GABRG3: variants seen among roughly 807,000 people sequenced by gnomAD.
GABRG3 encodes gamma-aminobutyric acid receptor subunit gamma-3.
Under a neutral mutation model 48.8 loss-of-function variants are expected in GABRG3, and 25 were observed. The observed-to-expected ratio is 0.51, with a 90% CI of 0.37 to 0.72. The LOEUF (loss-of-function observed/expected upper bound fraction) is 0.72, where lower values mean the gene tolerates loss of function less well. Ranked by LOEUF, GABRG3 falls within the 30% of genes least tolerant of loss-of-function variation. GABRG3 has a pLI of 0.00. For missense variants in GABRG3, 394 were observed against 577.9 expected (o/e 0.68, Z 3.26); for synonymous variants, 227 against 217.6 (o/e 1.04, Z -0.38).
chr15:27,343,828 C>T (rs1035111896), intron 5 of GABRG3, among the ~76,000 whole-genome samples: 4 of 152,214 alleles, frequency 2.6e-5, no homozygotes, highest in Non-Finnish European at 5.9e-5. Context: ...TCTGGGAATA[C>T]AGCCAAACAA....
chr15:27,203,484 A>C (rs1566964135), intron 3 of GABRG3, among the ~76,000 whole-genome samples: 2 of 152,194 alleles, frequency 1.3e-5, no homozygotes, highest in South Asian at 4.1e-4. Context: ...GGCATTGTGA[A>C]TAGTGCTGTG....
At chr15:27,336,815 TG>T (rs1461722944) in intron 5 of GABRG3, among the ~76,000 whole-genome samples, 3 of 152,200 alleles carry the variant, frequency 2.0e-5, no homozygotes, top group Admixed American at 2.0e-4. Context: ...ATCCTTAAAA[TG>T]GATGACTACT....
intron 3 of GABRG3, among the ~76,000 whole-genome samples, chr15:27,095,342 C>G (rs1897252580): frequency 6.6e-6 from 1 of 152,196 alleles, no homozygotes; most frequent in Non-Finnish European, 1.5e-5. Context: ...TGCAGACACA[C>G]ACATGCTTCT....
intron 1 of GABRG3, among the ~76,000 whole-genome samples, chr15:26,972,975 A>C (rs1381719571): frequency 6.6e-6 from 1 of 152,130 alleles, no homozygotes; most frequent in Non-Finnish European, 1.5e-5. Flanking sequence ...CAATGGAAAC[A>C]TGCTTTCTGA....
intron 5 of GABRG3, among the ~76,000 whole-genome samples, chr15:27,418,303 G>T (rs370503469): frequency 1.3e-5 from 2 of 152,330 alleles, no homozygotes; most frequent in South Asian, 2.1e-4. Flanking sequence ...GCAATCTCCT[G>T]GGAATTAATT....
At position 27,535,545 on chromosome 15, in the gene GABRG3, A is replaced by G. The variant is rs1891528954; in HGVS notation, c.*2664A>G. On this transcript the variant is annotated 3_prime_UTR_variant, in exon 10 of 10. Transcript: ENST00000615808. ...TAGGAAGGAGAACCTTCATCTCAAG[A>G]AAGTCCAATGGATTTCACTAACTGA... 6.6e-6 allele frequency: 1 copy of G among 152,210 alleles called. No individual in the cohort carries two copies. Among genetic ancestry groups the G allele is most frequent in the Non-Finnish European group, 1.5e-5 (1 of 68,054 alleles). 9.4% of individuals were successfully genotyped at this position (152,210 alleles called of 1,614,324 possible).
At chr15:27,283,289 G>T (rs1331956478) in intron 3 of GABRG3, among the ~76,000 whole-genome samples, 1 of 152,182 alleles carries the variant, frequency 6.6e-6, no homozygotes, top group African/African-American at 2.4e-5. Context: ...TTTTGATGGA[G>T]TAGGATGTCT....
At chr15:27,253,129 C>T (rs911152496) in intron 3 of GABRG3, among the ~76,000 whole-genome samples, 4 of 152,188 alleles carry the variant, frequency 2.6e-5, no homozygotes, top group African/African-American at 7.2e-5. Flanking sequence ...ATGTAGTCAC[C>T]GGGCTGCTGG....
intron 5 of GABRG3, among the ~76,000 whole-genome samples, chr15:27,345,741 C>T (rs1383901953): frequency 1.3e-5 from 2 of 152,026 alleles, no homozygotes; most frequent in Admixed American, 6.6e-5. Flanking sequence ...TTGACAAATT[C>T]CCTTAGTTTT....
chr15:27,034,654 C>T (rs1003584486), intron 3 of GABRG3, among the ~76,000 whole-genome samples: 2 of 152,176 alleles, frequency 1.3e-5, no homozygotes, highest in African/African-American at 4.8e-5. Context: ...GCCTGAGATC[C>T]ATCGAGTCTT....
chr15:27,003,857 A>G (rs1258387395), intron 2 of GABRG3, among the ~76,000 whole-genome samples: 4 of 111,672 alleles, frequency 3.6e-5, no homozygotes, highest in Admixed American at 1.8e-4. Flanking sequence ...GGGGGGGCTG[A>G]CCCCCCCACC....
At chr15:27,165,461 CTTG>C (rs1186933943) in intron 3 of GABRG3, among the ~76,000 whole-genome samples, 2 of 152,302 alleles carry the variant, frequency 1.3e-5, no homozygotes, top group Non-Finnish European at 2.9e-5. Context: ...GGTTCTAGTT[CTTG>C]TCATGCTTTA....
intron 3 of GABRG3, among the ~76,000 whole-genome samples, chr15:27,117,517 C>G (rs192377725): frequency 2.0e-5 from 3 of 152,248 alleles, no homozygotes; most frequent in Admixed American, 2.0e-4. Context: ...CCATGAGGAG[C>G]ACTTGAATTG....
chr15:27,078,470 C>T (rs1896944220), intron 3 of GABRG3, among the ~76,000 whole-genome samples: 2 of 152,096 alleles, frequency 1.3e-5, no homozygotes, highest in East Asian at 1.9e-4. Flanking sequence ...GGAAAAATTT[C>T]TTTTTATGAA....
intron 5 of GABRG3, among the ~76,000 whole-genome samples, chr15:27,360,863 C>T (rs953396310): frequency 1.3e-4 from 20 of 152,358 alleles, no homozygotes; most frequent in Admixed American, 4.6e-4. Context: ...TGCTCTCTGA[C>T]GGCACTGTCT....
chr15:27,420,213 C>T (rs1888070371), intron 5 of GABRG3, among the ~76,000 whole-genome samples: 1 of 152,082 alleles, frequency 6.6e-6, no homozygotes, highest in South Asian at 2.1e-4. Flanking sequence ...ATTTCTCAAA[C>T]ACAATGAAAG....
intron 2 of GABRG3, among the ~76,000 whole-genome samples, chr15:26,984,405 G>A (rs981007466): frequency 1.8e-4 from 28 of 152,264 alleles, no homozygotes; most frequent in African/African-American, 6.5e-4. Flanking sequence ...CGTTCATGTT[G>A]CGTGGAAGTA....
At chr15:27,200,421 C>G (rs1888644943) in intron 3 of GABRG3, among the ~76,000 whole-genome samples, 1 of 152,180 alleles carries the variant, frequency 6.6e-6, no homozygotes, top group South Asian at 2.1e-4. Flanking sequence ...AGAACCTCAT[C>G]TGTGTGTTTC....
At position 27,528,012 on chromosome 15, in the gene GABRG3, T is replaced by C. The variant is rs1891323290; in HGVS notation, c.1122+20T>C. ...CCTTCCGTACGTATAGCATTGCAGG[T>C]GCCAATATTTCTGAGAACTTTCACT... On this transcript the variant is annotated intron_variant, in intron 9 of 9. Transcript: ENST00000615808. 4.5e-6 allele frequency: 7 copies of C among 1,564,750 alleles called. No individual in the cohort carries two copies. The highest frequency in any genetic ancestry group is 4.0e-5 in the African/African-American group (3 of 74,102).
Sources: gnomAD v4.1 joint callset for allele counts (sites outside exome capture counted in the v4.1 genomes callset) on GRCh38, gnomAD v4.1.1 for gene constraint, MANE v1.5 for transcripts, NCBI Gene and HGNC (gene_info 2026-07-23, HGNC 2026-07-21) for gene names.